CNTN3: variants seen among roughly 807,000 people sequenced by gnomAD.
The protein encoded by CNTN3 is contactin-3.
Under a neutral mutation model 119.1 loss-of-function variants are expected in CNTN3, and 60 were observed. The observed-to-expected ratio is 0.50, with a 90% CI of 0.41 to 0.62. The LOEUF (loss-of-function observed/expected upper bound fraction) is 0.62, where lower values mean the gene tolerates loss of function less well. CNTN3 is among the 20% of genes least tolerant of loss of function. The pLI is 0.00. For synonymous variants in CNTN3, 450 were observed against 438.7 expected (o/e 1.03, Z -0.32); for missense variants, 1,101 against 1,242.4 (o/e 0.89, Z 1.71).
At chr3:74,338,750 G>A (rs1006239354) in intron 11 of CNTN3, among the ~76,000 whole-genome samples, 11 of 152,028 alleles carry the variant, frequency 7.2e-5, no homozygotes, top group Admixed American at 3.3e-4. Context: ...TTAAAACTGT[G>A]TTAAGGTATA....
chr3:74,399,913 T>C (rs2106847121), intron 5 of CNTN3, among the ~76,000 whole-genome samples: 1 of 152,260 alleles, frequency 6.6e-6, no homozygotes, highest in African/African-American at 2.4e-5. Flanking sequence ...TCTCTTGCGC[T>C]TCCTAGACTA....
chr3:74,511,730 T>C (rs1166804929), intron 2 of CNTN3, among the ~76,000 whole-genome samples: 1 of 152,148 alleles, frequency 6.6e-6, no homozygotes, highest in African/African-American at 2.4e-5. Context: ...AATTTTAATG[T>C]CCATAAATAA....
intron 13 of CNTN3, among the ~76,000 whole-genome samples, chr3:74,322,504 G>A (rs676149): frequency 0.29 from 43,842 of 152,038 alleles, 7,019 homozygotes; most frequent in East Asian, 0.72. Flanking sequence ...AAATTCTGGC[G>A]AGGATGTAGA....
intron 19 of CNTN3, 30 bp from the exon 20 acceptor site, chr3:74,285,521 A>C (rs772584956): frequency 6.4e-7 from 1 of 1,568,192 alleles, no homozygotes; most frequent in Non-Finnish European, 8.6e-7. Flanking sequence ...AAACATGTGA[A>C]GGCTTAAAAA....
At chr3:74,545,622 C>T (rs1247712509) in intron 1 of CNTN3, among the ~76,000 whole-genome samples, 5 of 152,136 alleles carry the variant, frequency 3.3e-5, no homozygotes, top group Admixed American at 3.3e-4. Context: ...TTAAATAGTG[C>T]TTCAGGAACA....
intron 1 of CNTN3, among the ~76,000 whole-genome samples, chr3:74,594,700 T>G (rs1704768254): frequency 6.6e-6 from 1 of 152,206 alleles, no homozygotes; most frequent in African/African-American, 2.4e-5. Flanking sequence ...CTATCATTGT[T>G]GGACATTTGG....
At chr3:74,397,185 C>G (rs1360773088) in intron 5 of CNTN3, among the ~76,000 whole-genome samples, 2 of 152,164 alleles carry the variant, frequency 1.3e-5, no homozygotes, top group Non-Finnish European at 2.9e-5. Context: ...TCTACTCTGT[C>G]TGTGGTCTAT....
intron 5 of CNTN3, among the ~76,000 whole-genome samples, chr3:74,405,040 A>G (rs1362349441): frequency 6.6e-6 from 1 of 152,078 alleles, no homozygotes; most frequent in Non-Finnish European, 1.5e-5. Context: ...AAACTACTCT[A>G]TTAAACATTT....
At chr3:74,464,513 C>T (rs901516459) in intron 4 of CNTN3, among the ~76,000 whole-genome samples, 1 of 152,132 alleles carries the variant, frequency 6.6e-6, no homozygotes, top group African/African-American at 2.4e-5. Context: ...GATATGCTTA[C>T]AGCTTAAAAT....
intron 1 of CNTN3, among the ~76,000 whole-genome samples, chr3:74,555,049 T>G (rs1255821683): frequency 6.6e-6 from 1 of 152,154 alleles, no homozygotes; most frequent in Middle Eastern, 3.2e-3. Context: ...GGTTGTGGGT[T>G]TGTCATAAAC....
At chr3:74,512,196 G>C (rs1180838842) in intron 2 of CNTN3, among the ~76,000 whole-genome samples, 1 of 152,060 alleles carries the variant, frequency 6.6e-6, no homozygotes, top group Non-Finnish European at 1.5e-5. Context: ...TCTGACTGAG[G>C]AATCATAATT....
intron 11 of CNTN3, among the ~76,000 whole-genome samples, chr3:74,359,875 A>G (rs1016396266): frequency 2.0e-5 from 3 of 152,208 alleles, no homozygotes; most frequent in Non-Finnish European, 2.9e-5. Context: ...TGAGTTCCAT[A>G]TGAAGAGTTA....
At chr3:74,287,839 G>T (rs1559682474) in intron 19 of CNTN3, among the ~76,000 whole-genome samples, 1 of 152,118 alleles carries the variant, frequency 6.6e-6, no homozygotes. Context: ...GCCTAATAAA[G>T]AATACAGCAC....
intron 5 of CNTN3, among the ~76,000 whole-genome samples, chr3:74,408,588 C>T (rs948399503): frequency 7.9e-5 from 12 of 152,072 alleles, no homozygotes; most frequent in African/African-American, 2.2e-4. Context: ...GGCCAGATCT[C>T]GAGGGCCATT....
intron 13 of CNTN3, among the ~76,000 whole-genome samples, chr3:74,310,131 T>G: frequency 6.6e-6 from 1 of 152,190 alleles, no homozygotes; most frequent in Admixed American, 6.5e-5. Flanking sequence ...ATCTCATTAT[T>G]TTTGTCTTAC....
At chr3:74,486,910 T>A (rs1028339050) in intron 3 of CNTN3, among the ~76,000 whole-genome samples, 2 of 152,230 alleles carry the variant, frequency 1.3e-5, no homozygotes, top group East Asian at 3.9e-4. Context: ...TGGGGAAAAA[T>A]TAGGCTAGGT....
At chr3:74,573,283 G>A (rs1412202738) in intron 1 of CNTN3, among the ~76,000 whole-genome samples, 1 of 151,602 alleles carries the variant, frequency 6.6e-6, no homozygotes, top group Non-Finnish European at 1.5e-5. Context: ...ATTGAAGAGT[G>A]CTTTCTTTTT....
chr3:74,534,004 T>G (rs1703728517), intron 1 of CNTN3, among the ~76,000 whole-genome samples: 1 of 151,990 alleles, frequency 6.6e-6, no homozygotes, highest in South Asian at 2.1e-4. Context: ...CATGTCAAGG[T>G]GAGAATCCCA....
chr3:74,385,587 T>C (rs1290274798), intron 5 of CNTN3, among the ~76,000 whole-genome samples: 1 of 152,186 alleles, frequency 6.6e-6, no homozygotes, highest in Non-Finnish European at 1.5e-5. Context: ...GTGTGCCCTT[T>C]GATAAATTCA....
Sources: gnomAD v4.1 joint callset for allele counts (sites outside exome capture counted in the v4.1 genomes callset) on GRCh38, gnomAD v4.1.1 for gene constraint, MANE v1.5 for transcripts, NCBI Gene and HGNC (gene_info 2026-07-23, HGNC 2026-07-21) for gene names.